The following CCSER1 variants were observed in gnomAD, a reference collection of about 807,000 sequenced individuals.
The protein encoded by CCSER1 is coiled-coil serine rich protein 1.
A neutral mutation model predicts 82.0 loss-of-function variants in CCSER1; 41 were observed. That is an observed-to-expected ratio of 0.50 (90% CI 0.39 to 0.65). CCSER1 has a LOEUF of 0.65. Among genes scored for constraint, CCSER1 ranks in the 30% least tolerant of loss-of-function variants. The pLI, the probability that CCSER1 is intolerant of heterozygous loss-of-function variation, is 0.00. For synonymous variants in CCSER1, 414 were observed against 383.9 expected, an observed-to-expected ratio of 1.08 and a Z score of -0.92; for missense variants, 1,119 against 1,064.2, an observed-to-expected ratio of 1.05 and a Z score of -0.72.
intron 10 of CCSER1, among the ~76,000 whole-genome samples, chr4:91,116,012 C>T (rs1460976076): frequency 6.6e-6 from 1 of 151,782 alleles, no homozygotes; most frequent in African/African-American, 2.4e-5. Context: ...CCCCTGTCCC[C>T]ACCCCACAAC....
chr4:90,495,597 G>A (rs1333605508), intron 5 of CCSER1, among the ~76,000 whole-genome samples: 1 of 152,006 alleles, frequency 6.6e-6, no homozygotes, highest in African/African-American at 2.4e-5. Flanking sequence ...GCTTAAAGAT[G>A]CCCACTAATT....
chr4:90,908,055 G>A (rs967473286), intron 8 of CCSER1, among the ~76,000 whole-genome samples: 4 of 152,066 alleles, frequency 2.6e-5, no homozygotes, highest in East Asian at 3.9e-4. Flanking sequence ...GAAGTGTGGA[G>A]TCAATATGGT....
intron 3 of CCSER1, among the ~76,000 whole-genome samples, chr4:90,361,523 T>G (rs1172714143): frequency 3.3e-5 from 5 of 152,184 alleles, no homozygotes; most frequent in African/African-American, 1.2e-4. Flanking sequence ...TTATTTTGGG[T>G]TCGGGGGTAT....
At chr4:91,110,344 GATAAA>G (rs1436772163) in intron 10 of CCSER1, among the ~76,000 whole-genome samples, 1 of 151,910 alleles carries the variant, frequency 6.6e-6, no homozygotes, top group African/African-American at 2.4e-5. Context: ...GTTATGAATA[GATAAA>G]ATAAAATTGC....
intron 1 of CCSER1, among the ~76,000 whole-genome samples, chr4:90,136,349 CT>C (rs1326108217): frequency 6.6e-6 from 1 of 151,926 alleles, no homozygotes; most frequent in African/African-American, 2.4e-5. Flanking sequence ...GACCCTGTCT[CT>C]AAAAAAGAAA....
intron 10 of CCSER1, among the ~76,000 whole-genome samples, chr4:91,506,784 GTACTCCTTTGCTAATCCTGT>G (rs1759515337): frequency 1.3e-5 from 2 of 152,120 alleles, no homozygotes; most frequent in Non-Finnish European, 2.9e-5. Context: ...TAATATATCA[GTACTCCTTTGCTAATCCTGT>G]TAGCAGTCGG....
At chr4:90,483,016 TG>T (rs917301512) in intron 5 of CCSER1, among the ~76,000 whole-genome samples, 1 of 152,216 alleles carries the variant, frequency 6.6e-6, no homozygotes, top group African/African-American at 2.4e-5. Context: ...TAAGTCACTT[TG>T]TAGGTCACTA....
In CCSER1 at chr4:91,033,568, C is replaced by G. The variant is rs58335427; in HGVS notation, c.2173-52382C>G. Reference sequence around the variant, plus strand: ...AAGATTGTAAAGGATGGACCTCATTCTACTTTTTATCTTGTTCATTTTAAG... The same window carrying G: ...AAGATTGTAAAGGATGGACCTCATTGTACTTTTTATCTTGTTCATTTTAAG... On this transcript the variant is annotated intron_variant, in intron 9 of 10. Coordinates refer to ENST00000509176, the MANE Select transcript of CCSER1 (RefSeq NM_001145065.2). Among the ~76,000 whole-genome samples, 1,173 of 152,194 alleles carry G rather than the reference C, an allele frequency of 7.7e-3. 12 individuals are homozygous for G. Among genetic ancestry groups the G allele is most frequent in the African/African-American group, 0.026 (1,092 of 41,528 alleles).
chr4:90,549,659 G>A (rs1170924659), intron 5 of CCSER1, among the ~76,000 whole-genome samples: 2 of 152,066 alleles, frequency 1.3e-5, no homozygotes, highest in South Asian at 2.1e-4. Context: ...AGCTTGGTAA[G>A]AGAACCTTTT....
At chr4:90,224,745 G>C (rs1560827406) in intron 1 of CCSER1, among the ~76,000 whole-genome samples, 1 of 152,180 alleles carries the variant, frequency 6.6e-6, no homozygotes, top group Admixed American at 6.5e-5. Context: ...TTGAATAAAT[G>C]AGTGGTAGTA....
In CCSER1 at chr4:90,838,480, TAATA is replaced by T. The variant is rs1312534814; in HGVS notation, c.2094+22636_2094+22639del. On this transcript the variant is annotated intron_variant, in intron 8 of 10. Coordinates refer to ENST00000509176, the MANE Select transcript of CCSER1 (RefSeq NM_001145065.2). ...TATGTATTTAAATATAAATATTTCA[TAATA>T]TTTTTTTTAAGTTTTTAAACTTTTT... Among the ~76,000 whole-genome samples, 3 of 141,514 alleles carry T rather than the reference TAATA, an allele frequency of 2.1e-5. No homozygotes were observed. The East Asian group carries it at 6.0e-4, about 28-fold the overall frequency. 92.8% of individuals were successfully genotyped at this position (141,514 alleles called of 152,430 possible).
At chr4:90,984,480 G>A (rs541299124) in intron 9 of CCSER1, among the ~76,000 whole-genome samples, 2 of 151,796 alleles carry the variant, frequency 1.3e-5, no homozygotes, top group Admixed American at 6.6e-5. Flanking sequence ...TTGCAAGATG[G>A]CTATAATTAC....
intron 10 of CCSER1, among the ~76,000 whole-genome samples, chr4:91,376,008 A>G (rs2149330148): frequency 6.6e-6 from 1 of 152,300 alleles, no homozygotes; most frequent in South Asian, 2.1e-4. Context: ...TAATGTTTTT[A>G]TAATCTGAAG....
chr4:90,637,238 C>G (rs372164292), intron 6 of CCSER1, among the ~76,000 whole-genome samples: 23 of 152,268 alleles, frequency 1.5e-4, no homozygotes, highest in African/African-American at 4.6e-4. Flanking sequence ...CAGGAGGACT[C>G]AGTTCTTCAC....
intron 9 of CCSER1, among the ~76,000 whole-genome samples, chr4:91,046,311 A>T (rs1409259611): frequency 6.6e-6 from 1 of 151,978 alleles, no homozygotes; most frequent in Non-Finnish European, 1.5e-5. Context: ...TAAGTGTAAC[A>T]ATTAATTTTT....
intron 10 of CCSER1, among the ~76,000 whole-genome samples, chr4:91,431,966 A>C (rs1172713552): frequency 1.3e-5 from 2 of 152,162 alleles, no homozygotes; most frequent in South Asian, 2.1e-4. Flanking sequence ...TCCCCACCAA[A>C]TCTCATCTCG....
intron 10 of CCSER1, among the ~76,000 whole-genome samples, chr4:91,516,382 G>C (rs1313060152): frequency 6.6e-6 from 1 of 152,064 alleles, no homozygotes; most frequent in Admixed American, 6.6e-5. Flanking sequence ...GTTGATTTTT[G>C]TATACGGTTC....
At chr4:90,153,000 G>A (rs1468274759) in intron 1 of CCSER1, among the ~76,000 whole-genome samples, 2 of 149,152 alleles carry the variant, frequency 1.3e-5, no homozygotes, top group African/African-American at 2.5e-5. Context: ...TCGTCATTTA[G>A]CATTAGGTAT....
chr4:90,986,018 T>C (rs1736551257), intron 9 of CCSER1, among the ~76,000 whole-genome samples: 1 of 151,782 alleles, frequency 6.6e-6, no homozygotes, highest in Non-Finnish European at 1.5e-5. Context: ...TATTTTTGCA[T>C]TCTGAGAACC....
Sources: gnomAD v4.1 joint callset for allele counts (sites outside exome capture counted in the v4.1 genomes callset) on GRCh38, gnomAD v4.1.1 for gene constraint, MANE v1.5 for transcripts, NCBI Gene and HGNC (gene_info 2026-07-23, HGNC 2026-07-21) for gene names.